TENM4: variants seen among roughly 807,000 people sequenced by gnomAD.
TENM4 encodes the protein teneurin-4.
A neutral mutation model predicts 243.3 loss-of-function variants in TENM4; 82 were observed. The ratio of observed to expected loss-of-function variants is 0.34; its 90% CI spans 0.28 to 0.40. The LOEUF (loss-of-function observed/expected upper bound fraction) is 0.40. Ranked by LOEUF, TENM4 falls within the 10% of genes least tolerant of loss-of-function variation. TENM4 has a pLI of 1.00. For synonymous variants in TENM4, 1,412 were observed against 1,456.3 expected, an observed-to-expected ratio of 0.97 and a Z score of 0.69; for missense variants, 3,138 against 3,673.3, an observed-to-expected ratio of 0.85 and a Z score of 3.77.
chr11:78,964,776 A>C (rs779700574), intron 6 of TENM4, among the ~76,000 whole-genome samples: 39 of 152,210 alleles, frequency 2.6e-4, no homozygotes, highest in Non-Finnish European at 4.9e-4. Flanking sequence ...CACTTGTGGA[A>C]TGAGCTTTGG....
In TENM4 at chr11:79,375,788, T is replaced by C. The variant is rs141323367; in HGVS notation, c.-321+64721A>G. Among the ~76,000 whole-genome samples, 579 of 152,148 alleles carry C rather than the reference T, an allele frequency of 3.8e-3. 15 individuals carry two copies. The highest frequency in any genetic ancestry group is 0.034 in the Admixed American group (519 of 15,278). On this transcript the variant is annotated intron_variant, in intron 1 of 33. Coordinates refer to ENST00000278550, the MANE Select transcript of TENM4 (RefSeq NM_001098816.3). ...GAGACCTGAAGGCCATAGGATTTGATGGGGTCGGAATGGGAGTAAGAGTGT... is the reference window on the plus strand; with the variant it reads ...GAGACCTGAAGGCCATAGGATTTGACGGGGTCGGAATGGGAGTAAGAGTGT...
chr11:79,005,615 C>T (rs1565163778), intron 6 of TENM4, among the ~76,000 whole-genome samples: 1 of 152,076 alleles, frequency 6.6e-6, no homozygotes, highest in African/African-American at 2.4e-5. Flanking sequence ...AAAATAATAA[C>T]AGCCATCTAT....
intron 6 of TENM4, among the ~76,000 whole-genome samples, chr11:78,963,207 ATCAG>A (rs1160470980): frequency 3.3e-5 from 5 of 152,218 alleles, no homozygotes; most frequent in Admixed American, 2.6e-4. Context: ...GATGTTGTAA[ATCAG>A]TCAGTCTGAC....
chr11:79,402,937 C>CT (rs1017684010), intron 1 of TENM4, among the ~76,000 whole-genome samples: 15 of 152,180 alleles, frequency 9.9e-5, no homozygotes, highest in Admixed American at 3.3e-4. Context: ...AGGATGTGGA[C>CT]TTTTTTTTCT....
chr11:79,352,723 A>G (rs1857436110), intron 1 of TENM4, among the ~76,000 whole-genome samples: 1 of 152,152 alleles, frequency 6.6e-6, no homozygotes, highest in South Asian at 2.1e-4. Flanking sequence ...GCCTCTGTGC[A>G]TTTATTCCAA....
At chr11:79,429,035 T>C (rs1281110061) in intron 1 of TENM4, among the ~76,000 whole-genome samples, 1 of 152,238 alleles carries the variant, frequency 6.6e-6, no homozygotes, top group East Asian at 1.9e-4. Context: ...TAGGTGATTC[T>C]AATGCACCGC....
chr11:79,071,125 C>T (rs1171005545), intron 4 of TENM4, among the ~76,000 whole-genome samples: 1 of 152,194 alleles, frequency 6.6e-6, no homozygotes. Flanking sequence ...CCCTCTTTCT[C>T]CCTCCAAATG....
At chr11:78,879,489 G>A (rs865823334) in intron 9 of TENM4, among the ~76,000 whole-genome samples, 11 of 117,062 alleles carry the variant, frequency 9.4e-5, no homozygotes, top group Admixed American at 4.5e-4. Context: ...GGTGAGGAGC[G>A]CCTCTACCTG....
At chr11:79,407,362 T>A (rs1287962745) in intron 1 of TENM4, among the ~76,000 whole-genome samples, 1 of 152,238 alleles carries the variant, frequency 6.6e-6, no homozygotes, top group Non-Finnish European at 1.5e-5. Context: ...TAATAATAGC[T>A]AACAAGCAAA....
chr11:78,786,876 C>T, intron 16 of TENM4, 22 bp downstream of exon 16: 2 of 1,584,134 alleles, frequency 1.3e-6, no homozygotes, highest in Non-Finnish European at 1.7e-6. Flanking sequence ...AGAAGGTACC[C>T]GGGGACCTCG....
chr11:79,109,701 G>T (rs1257259756), intron 4 of TENM4, among the ~76,000 whole-genome samples: 1 of 152,222 alleles, frequency 6.6e-6, no homozygotes, highest in Non-Finnish European at 1.5e-5. Flanking sequence ...GGAAAGTTCT[G>T]AACCCGCTGC....
At chr11:79,297,938 T>TC (rs1565288503) in intron 1 of TENM4, among the ~76,000 whole-genome samples, 1 of 152,180 alleles carries the variant, frequency 6.6e-6, no homozygotes, top group African/African-American at 2.4e-5. Flanking sequence ...TTTTTCTTTT[T>TC]TTTTTCCTTC....
chr11:79,280,431 C>T (rs1856136072), intron 2 of TENM4, among the ~76,000 whole-genome samples: 1 of 152,228 alleles, frequency 6.6e-6, no homozygotes, highest in Admixed American at 6.5e-5. Context: ...GCTCCAGGGC[C>T]TGGCTCTGGG....
At chr11:78,863,542 A>G (rs1175331402) in intron 9 of TENM4, among the ~76,000 whole-genome samples, 2 of 152,260 alleles carry the variant, frequency 1.3e-5, no homozygotes, top group Non-Finnish European at 2.9e-5. Context: ...GGATATGAAC[A>G]GTTTACTGAA....
intron 12 of TENM4, among the ~76,000 whole-genome samples, chr11:78,838,189 G>A (rs908752189): frequency 6.6e-6 from 1 of 152,132 alleles, no homozygotes; most frequent in Non-Finnish European, 1.5e-5. Flanking sequence ...CATATTTCAT[G>A]TATGTTTATT....
chr11:78,744,877 T>C (rs1006652856), intron 19 of TENM4, among the ~76,000 whole-genome samples: 3 of 149,182 alleles, frequency 2.0e-5, no homozygotes, highest in Non-Finnish European at 4.5e-5. Flanking sequence ...TCATTTTGAA[T>C]CTCTTAGTTA....
intron 1 of TENM4, among the ~76,000 whole-genome samples, chr11:79,323,553 A>G (rs1856925970): frequency 6.6e-6 from 1 of 152,206 alleles, no homozygotes; most frequent in Admixed American, 6.5e-5. Context: ...TTGTGAGTCA[A>G]CTTGATTAAA....
At chr11:79,159,665 T>G (rs957185654) in intron 3 of TENM4, among the ~76,000 whole-genome samples, 2 of 152,164 alleles carry the variant, frequency 1.3e-5, no homozygotes, top group Admixed American at 6.5e-5. Context: ...TCTAGGTAGA[T>G]AGAGCTCCAG....
chr11:79,155,251 C>G (rs549764077), intron 3 of TENM4, among the ~76,000 whole-genome samples: 274 of 152,286 alleles, frequency 1.8e-3, no homozygotes, highest in Non-Finnish European at 3.3e-3. Context: ...TCCTGTGGAA[C>G]CCACATTTGA....
Sources: allele counts gnomAD v4.1 joint callset (sites outside exome capture counted in the v4.1 genomes callset), GRCh38; gene constraint gnomAD v4.1.1; transcripts MANE v1.5; gene names NCBI Gene and HGNC (gene_info 2026-07-23, HGNC 2026-07-21).